Variants in MRTFB observed in about 807,000 individuals in gnomAD.
The protein encoded by MRTFB is myocardin-related transcription factor B.
MRTFB carries 29 observed loss-of-function variants against 104.2 expected under a neutral mutation model. The observed-to-expected ratio is 0.28, with a 90% CI of 0.21 to 0.38. The LOEUF (loss-of-function observed/expected upper bound fraction) is 0.38, where lower values mean the gene tolerates loss of function less well. Ranked by LOEUF, MRTFB falls within the 10% of genes least tolerant of loss-of-function variation. The pLI is 1.00. For synonymous variants in MRTFB, 535 were observed against 519.5 expected (o/e 1.03, Z -0.41); for missense variants, 1,270 against 1,341.6 (o/e 0.95, Z 0.83).
At position 14,073,364 on chromosome 16, in the gene MRTFB, G is replaced by A. The variant is rs145887929; in HGVS notation, c.-129+1999G>A. Among the ~76,000 whole-genome samples, 686 of 152,228 alleles carry A rather than the reference G, an allele frequency of 4.5e-3. 12 individuals carry two copies. The highest frequency in any genetic ancestry group is 3.5e-3 in the Non-Finnish European group (241 of 68,024). On this transcript the variant is annotated intron_variant, in intron 1 of 16. Transcript: ENST00000571589. ...TCTTTGATAACTAAAAATGTTCCTT[G>A]GGGGCAGTTCCAGCTCCTTGGAGAA...
chr16:14,218,917 G>A lies in MRTFB; in HGVS notation c.612G>A (p.Glu204=). 6.2e-7 allele frequency: 1 copy of A among 1,614,100 alleles called. No individual in the cohort carries two copies. The highest frequency in any genetic ancestry group is 8.5e-7 in the Non-Finnish European group (1 of 1,179,996). The part of the protein sequence containing the change: ...ALSPDQPASQ[E]SQGSAASPSE... ...CTCCGGACCAGCCTGCGAGTCAGGA[G>A]TCACAGGGGTCAGCCGCGTCCCCAA... The change falls in exon 8 of 17, where the codon GAG becomes GAA. Residue 204 remains glutamate, a synonymous_variant. Coordinates refer to ENST00000571589, the MANE Select transcript of MRTFB (RefSeq NM_001308142.2).
chr16:14,061,380 G>A, the MRTFB span, among the ~76,000 whole-genome samples: 1 of 152,318 alleles, frequency 6.6e-6, no homozygotes, highest in Non-Finnish European at 1.5e-5. Flanking sequence ...AGCCCTGCAT[G>A]TGCCCAGAAG....
At chr16:14,120,762 G>A (rs1263544212) in intron 2 of MRTFB, among the ~76,000 whole-genome samples, 2 of 152,212 alleles carry the variant, frequency 1.3e-5, no homozygotes, top group African/African-American at 2.4e-5. Context: ...AACTTAGTGT[G>A]TGGGGGATAG....
At chr16:14,129,191 A>C (rs1385514654) in intron 2 of MRTFB, among the ~76,000 whole-genome samples, 1 of 152,264 alleles carries the variant, frequency 6.6e-6, no homozygotes, top group Non-Finnish European at 1.5e-5. Context: ...AGTTTGGGAC[A>C]ATTATGAATA....
At position 14,140,732 on chromosome 16, in the gene MRTFB, C is replaced by T. The variant is rs2037955487; in HGVS notation, c.126C>T (p.Asn42=). The change falls in exon 3 of 17, where the codon AAC becomes AAT. Residue 42 remains asparagine, a synonymous_variant. Transcript: ENST00000571589. ...AACTCTCCTTGCAGTCCAGTCAAAA[C>T]TTACCCCCTCTGAACGAAAGGAAAA... ...FQELSLQSSQ[N]LPPLNERKNV... The T allele has an allele frequency of 1.2e-6, 2 of 1,614,164 alleles. No homozygotes were observed. Among genetic ancestry groups the T allele is most frequent in the South Asian group, 1.1e-5 (1 of 91,086 alleles).
chr16:14,105,296 G>A (rs901517257), intron 2 of MRTFB, among the ~76,000 whole-genome samples: 1 of 151,978 alleles, frequency 6.6e-6, no homozygotes, highest in African/African-American at 2.4e-5. Context: ...AATTGTTGAT[G>A]ACATCTTTTA....
At chr16:14,060,942 C>T in the MRTFB span, among the ~76,000 whole-genome samples, 20 of 152,194 alleles carry the variant, frequency 1.3e-4, no homozygotes, top group South Asian at 4.2e-4. Context: ...GTCAGGAGAT[C>T]GAGACCATCC....
chr16:14,184,072 T>TTA (rs375735001), intron 3 of MRTFB, among the ~76,000 whole-genome samples: 11 of 121,770 alleles, frequency 9.0e-5, no homozygotes, highest in South Asian at 5.6e-4. Flanking sequence ...TCCTGAAATT[T>TTA]AAAAAAAAAA....
chr16:14,042,409 C>T, the MRTFB span, among the ~76,000 whole-genome samples: 1 of 152,310 alleles, frequency 6.6e-6, no homozygotes, highest in Admixed American at 6.5e-5. Flanking sequence ...CAGGTGTGCG[C>T]CACCGCACCT....
intron 3 of MRTFB, among the ~76,000 whole-genome samples, chr16:14,173,528 A>G (rs960934267): frequency 2.0e-5 from 3 of 152,160 alleles, no homozygotes; most frequent in African/African-American, 7.2e-5. Flanking sequence ...TGAATTCTGT[A>G]TGTGTTTGAA....
At chr16:14,059,406 G>T in the MRTFB span, among the ~76,000 whole-genome samples, 1 of 152,088 alleles carries the variant, frequency 6.6e-6, no homozygotes, top group South Asian at 2.1e-4. Context: ...GGTCTGCCTT[G>T]TAAGCTATAG....
intron 3 of MRTFB, chr16:14,187,039 AGTCT>A: frequency 1.3e-6 from 2 of 1,593,298 alleles, no homozygotes; most frequent in Non-Finnish European, 1.7e-6. Flanking sequence ...AAGGAAGGTC[AGTCT>A]GTCTGTGGAC....
At position 14,249,916 on chromosome 16, in the gene MRTFB, C is replaced by A. The variant is rs76421720; in HGVS notation, c.2403+835C>A. ...GTGAAACCAGCTTTGGGGACAGCTG[C>A]AGTCACATGTAACACGTGTGCTGCT... On this transcript the variant is annotated intron_variant, in intron 13 of 16. Coordinates refer to ENST00000571589, the MANE Select transcript of MRTFB (RefSeq NM_001308142.2). Among the ~76,000 whole-genome samples the A allele has an allele frequency of 9.8e-3, 1,496 of 152,316 alleles. 30 individuals carry two copies. Among genetic ancestry groups the A allele is most frequent in the African/African-American group, 0.034 (1,421 of 41,560 alleles).
chr16:14,091,560 G>A (rs2035065300), intron 2 of MRTFB, among the ~76,000 whole-genome samples: 1 of 152,160 alleles, frequency 6.6e-6, no homozygotes, highest in South Asian at 2.1e-4. Flanking sequence ...TTTGTTGGAA[G>A]CTCTCTATCA....
At chr16:14,108,156 A>G (rs1270543966) in intron 2 of MRTFB, among the ~76,000 whole-genome samples, 1 of 152,190 alleles carries the variant, frequency 6.6e-6, no homozygotes, top group East Asian at 1.9e-4. Context: ...CCTGGATCTG[A>G]AAGAACTGCT....
At chr16:14,077,144 T>C (rs2034112458) in intron 1 of MRTFB, among the ~76,000 whole-genome samples, 1 of 152,240 alleles carries the variant, frequency 6.6e-6, no homozygotes, top group Admixed American at 6.5e-5. Context: ...GTACTTAACA[T>C]TAATCTCTTA....
chr16:14,164,259 CTG>C (rs1460008793), intron 3 of MRTFB, among the ~76,000 whole-genome samples: 1 of 152,206 alleles, frequency 6.6e-6, no homozygotes, highest in African/African-American at 2.4e-5. Context: ...TTCCGTTACT[CTG>C]TATCTCTATC....
At chr16:14,253,671 C>T (rs755239782) in intron 15 of MRTFB, among the ~76,000 whole-genome samples, 1 of 152,176 alleles carries the variant, frequency 6.6e-6, no homozygotes, top group African/African-American at 2.4e-5. Context: ...GGCACCCTCA[C>T]CAAGGACATC....
chr16:14,025,124 C>CA, the MRTFB span, among the ~76,000 whole-genome samples: 1 of 152,170 alleles, frequency 6.6e-6, no homozygotes, highest in Admixed American at 6.5e-5. Context: ...TACTTGATCA[C>CA]AAAAGCTTCA....
Sources: gnomAD v4.1 joint callset for allele counts (sites outside exome capture counted in the v4.1 genomes callset) on GRCh38, gnomAD v4.1.1 for gene constraint, MANE v1.5 for transcripts, NCBI Gene and HGNC (gene_info 2026-07-23, HGNC 2026-07-21) for gene names.